The following DYM variants were observed in gnomAD, a reference collection of about 807,000 sequenced individuals.
DYM encodes dymeclin.
In DYM, 78 loss-of-function variants were observed where a neutral mutation model predicts 93.1. The ratio of observed to expected loss-of-function variants is 0.84; its 90% confidence interval spans 0.70 to 1.01. The LOEUF is 1.01. DYM is among the 50% of genes least tolerant of loss of function. The pLI is 0.00. For synonymous variants in DYM, 321 were observed against 319.7 expected (o/e 1.00, Z -0.04); for missense variants, 789 against 845.0 (o/e 0.93, Z 0.82).
intron 6 of DYM, among the ~76,000 whole-genome samples, chr18:49,348,517 C>T (rs190388123): frequency 5.3e-4 from 80 of 152,108 alleles, no homozygotes; most frequent in African/African-American, 1.8e-3. Context: ...CACTCAGTAC[C>T]GTTATCGACC....
intron 6 of DYM, among the ~76,000 whole-genome samples, chr18:49,337,463 G>A (rs1599522918): frequency 6.6e-6 from 1 of 152,156 alleles, no homozygotes; most frequent in East Asian, 1.9e-4. Flanking sequence ...AGCACTTCTG[G>A]AACTATCAGA....
rs994101553 is a variant in DYM, at chr18:49,039,036, C to T, written c.*5019G>A. Reference sequence around the variant, plus strand: ...CTTCAATCTTTCCTAGGGCTCTGTCCTTACGTTTGGGATTATTTTCCTTCT... The same window carrying T: ...CTTCAATCTTTCCTAGGGCTCTGTCTTTACGTTTGGGATTATTTTCCTTCT... On this transcript the variant is annotated 3_prime_UTR_variant, in exon 18 of 18. Transcript: ENST00000675505. 1.3e-5 allele frequency among the ~76,000 whole-genome samples: 2 copies of T among 152,078 alleles called. No homozygotes were observed. Among genetic ancestry groups the T allele is most frequent in the Non-Finnish European group, 2.9e-5 (2 of 68,010 alleles).
chr18:49,088,782 T>C (rs2078788876), intron 17 of DYM, among the ~76,000 whole-genome samples: 1 of 152,152 alleles, frequency 6.6e-6, no homozygotes, highest in African/African-American at 2.4e-5. Flanking sequence ...AAGGAATAGC[T>C]GAAATTCATG....
At chr18:49,210,037 A>T (rs927839803) in intron 13 of DYM, among the ~76,000 whole-genome samples, 1 of 152,214 alleles carries the variant, frequency 6.6e-6, no homozygotes, top group Non-Finnish European at 1.5e-5. Flanking sequence ...GAATGGCCCA[A>T]ATCCAGAGCA....
At chr18:49,287,478 G>A (rs866337406) in intron 8 of DYM, among the ~76,000 whole-genome samples, 36 of 151,802 alleles carry the variant, frequency 2.4e-4, no homozygotes, top group African/African-American at 7.5e-4. Flanking sequence ...ATCAACATCA[G>A]CATGGTACTA....
At chr18:49,417,778 A>T (rs1230625875) in intron 2 of DYM, among the ~76,000 whole-genome samples, 1 of 152,256 alleles carries the variant, frequency 6.6e-6, no homozygotes, top group East Asian at 1.9e-4. Context: ...ATTTACAGAT[A>T]AGATTATAAG....
At chr18:49,426,470 C>A (rs959485483) in intron 2 of DYM, among the ~76,000 whole-genome samples, 2 of 151,608 alleles carry the variant, frequency 1.3e-5, no homozygotes, top group African/African-American at 2.4e-5. Context: ...GGGTGCAGCA[C>A]ATCAACATGG....
intron 15 of DYM, among the ~76,000 whole-genome samples, chr18:49,160,082 G>A (rs1412163128): frequency 6.6e-6 from 1 of 152,060 alleles, no homozygotes. Context: ...GTTAGTCACT[G>A]AATTAAATTG....
intron 10 of DYM, among the ~76,000 whole-genome samples, chr18:49,280,465 A>G (rs2094942661): frequency 6.6e-6 from 1 of 152,154 alleles, no homozygotes; most frequent in African/African-American, 2.4e-5. Flanking sequence ...GACGAGTAAC[A>G]TGAACTTGGT....
chr18:49,283,914 A>G (rs1270690246), intron 9 of DYM, among the ~76,000 whole-genome samples: 3 of 152,200 alleles, frequency 2.0e-5, no homozygotes, highest in African/African-American at 4.8e-5. Flanking sequence ...CATTTGAAAT[A>G]TAGACTATTT....
At chr18:49,369,895 G>A (rs959354460) in intron 5 of DYM, among the ~76,000 whole-genome samples, 3 of 152,086 alleles carry the variant, frequency 2.0e-5, no homozygotes, top group South Asian at 2.1e-4. Flanking sequence ...CACCTTGCTC[G>A]CCCCAGGTCT....
chr18:49,292,604 A>AAACAAAAAAACAAAAC (rs2060223810), intron 8 of DYM, among the ~76,000 whole-genome samples: 2 of 68,162 alleles, frequency 2.9e-5, no homozygotes, highest in African/African-American at 1.6e-4. Flanking sequence ...AAAAAAAAAA[A>AAACAAAAAAACAAAAC]AAAAAAAAAA....
At position 49,354,146 on chromosome 18, in the gene DYM, G is replaced by A. The variant is rs12953565; in HGVS notation, c.494+9015C>T. ...ATATAGTTAATTGGTCTTTGACAAA[G>A]AAGCAAAGACAGTATAATGGGGAAA... On this transcript the variant is annotated intron_variant, in intron 6 of 17. Coordinates refer to ENST00000675505, the MANE Select transcript of DYM (RefSeq NM_001353214.3). Among the ~76,000 whole-genome samples, 817 of 152,110 alleles carry A rather than the reference G, an allele frequency of 5.4e-3. 2 individuals are homozygous for A. The highest frequency in any genetic ancestry group is 9.0e-3 in the Non-Finnish European group (613 of 67,904).
intron 3 of DYM, chr18:49,390,759 CCT>C (rs1166994838): frequency 6.6e-6 from 1 of 152,206 alleles, no homozygotes; most frequent in Non-Finnish European, 1.5e-5. Context: ...CTCGCATCAG[CCT>C]CTCAAAATGC....
chr18:49,330,268 C>A (rs1000010835), intron 8 of DYM, among the ~76,000 whole-genome samples: 1 of 152,046 alleles, frequency 6.6e-6, no homozygotes, highest in Non-Finnish European at 1.5e-5. Context: ...TTTTAATGCA[C>A]TTAACTGAAT....
At chr18:49,379,806 T>C (rs1359269764) in intron 3 of DYM, 48 bp from the exon 4 acceptor site, 1 of 1,413,794 alleles carries the variant, frequency 7.1e-7, no homozygotes. Context: ...AGAACTAAAA[T>C]CAAAGTGAGC....
chr18:49,140,286 T>C (rs2084337308), intron 15 of DYM, among the ~76,000 whole-genome samples: 1 of 152,216 alleles, frequency 6.6e-6, no homozygotes, highest in Non-Finnish European at 1.5e-5. Flanking sequence ...CCTCTTCCTC[T>C]ATAGTTTTTG....
chr18:49,042,182 C>T lies in DYM; in HGVS notation c.*1873G>A, dbSNP rs1391750881. 2 of 152,942 alleles carry T rather than the reference C, an allele frequency of 1.3e-5. No homozygotes were observed. The highest frequency in any genetic ancestry group is 2.4e-5 in the African/African-American group (1 of 41,450). 9.5% of individuals were successfully genotyped at this position (152,942 alleles called of 1,614,324 possible). A position where few individuals can be genotyped will look rare whatever the true frequency, so the allele number is the denominator to read the frequency against. On this transcript the variant is annotated 3_prime_UTR_variant, in exon 18 of 18. Coordinates refer to ENST00000675505, the MANE Select transcript of DYM (RefSeq NM_001353214.3). ...GTATTAGTAGAAGTTGTTGCCAAGC[C>T]TCACCTCTAGCCTGTACATGGGCTC...
At chr18:49,210,008 A>G (rs1167821052) in intron 13 of DYM, among the ~76,000 whole-genome samples, 1 of 152,200 alleles carries the variant, frequency 6.6e-6, no homozygotes, top group African/African-American at 2.4e-5. Context: ...AAACAATGAG[A>G]CACCACCACA....
Sources: gnomAD v4.1 joint callset for allele counts (sites outside exome capture counted in the v4.1 genomes callset) on GRCh38, gnomAD v4.1.1 for gene constraint, MANE v1.5 for transcripts, NCBI Gene and HGNC (gene_info 2026-07-23, HGNC 2026-07-21) for gene names.